INO80: variants seen among roughly 807,000 people sequenced by gnomAD.
INO80 encodes INO80 complex ATPase subunit, also known as chromatin-remodeling ATPase INO80.
A neutral mutation model predicts 203.4 loss-of-function variants in INO80; 20 were observed. The observed-to-expected ratio is 0.10, with a 90% CI of 0.07 to 0.14. The LOEUF is 0.14. INO80 is among the 10% of genes least tolerant of loss of function. The pLI, the probability that INO80 is intolerant of heterozygous loss-of-function variation, is 1.00. For missense variants in INO80, 1,419 were observed against 1,914.4 expected (o/e 0.74, Z 4.83); for synonymous variants, 726 against 685.2 (o/e 1.06, Z -0.93).
chr15:41,099,108 G>A (rs574817818), intron 1 of INO80, among the ~76,000 whole-genome samples: 5 of 151,346 alleles, frequency 3.3e-5, no homozygotes, highest in African/African-American at 9.7e-5. Context: ...AGCCAAGTAT[G>A]GTGATGCGTG....
chr15:41,074,427 G>C lies in INO80; in HGVS notation c.1270C>G (p.Gln424Glu). 6.2e-7 allele frequency: 1 copy of C among 1,613,904 alleles called. No individual in the cohort carries two copies. The highest frequency in any genetic ancestry group is 8.5e-7 in the Non-Finnish European group (1 of 1,179,922). ...ILRKLEDSSTQRQIDIGGGVV... is the reference protein window; with the variant it reads ...ILRKLEDSSTERQIDIGGGVV... ...CCTCCACCTATATCGATTTGTCTCT[G>C]GGTAGAACTGTCTTCCAGTTTCCTT... Residue 424 changes from glutamine to glutamate, a missense_variant, in exon 10 of 36, where the codon CAG (glutamine) becomes GAG (glutamate). Physicochemically the swap from Gln to Glu is conservative, Grantham distance 29. This residue lies in a region of INO80 where 116 missense variants were observed against 119.5 expected (regional missense o/e 0.97). Coordinates refer to ENST00000648947, the MANE Select transcript of INO80 (RefSeq NM_017553.3).
intron 28 of INO80, among the ~76,000 whole-genome samples, chr15:40,999,067 A>C (rs2043922719): frequency 6.6e-6 from 1 of 151,982 alleles, no homozygotes; most frequent in Non-Finnish European, 1.5e-5. Flanking sequence ...GAAATTAATT[A>C]AAGAAAGAAA....
intron 31 of INO80, 84 bp downstream of exon 31, chr15:40,987,007 C>T (rs538318200): frequency 4.1e-6 from 3 of 726,952 alleles, no homozygotes; most frequent in East Asian, 5.2e-5. Context: ...CAGCCTCTGG[C>T]TTTGCCTACC....
rs542275070 is a variant in INO80 at position 40,978,903 on chromosome 15, AT to A, written c.*1319del. The A allele has an allele frequency of 5.2e-5, 8 of 152,666 alleles. No homozygotes were observed. In the South Asian group the frequency reaches 1.7e-3, roughly 32 times the overall value. The allele number at this position is 152,666 out of a possible 1,614,324, so 9.5% of individuals were successfully genotyped here. ...AATTTACATAAAATTATCTCACTCC[AT>A]TTTATTTAAGATTTTTTTATCCAGT... is the stretch of plus-strand genomic sequence containing the variant. On this transcript the variant is annotated 3_prime_UTR_variant, in exon 36 of 36. Transcript: ENST00000648947.
At chr15:41,039,509 C>T (rs1006309483) in intron 24 of INO80, among the ~76,000 whole-genome samples, 7 of 152,172 alleles carry the variant, frequency 4.6e-5, no homozygotes, top group Non-Finnish European at 1.0e-4. Context: ...CACACTTTGC[C>T]TACTGTGGTA....
intron 24 of INO80, among the ~76,000 whole-genome samples, chr15:41,042,733 A>G (rs562589236): frequency 2.0e-5 from 3 of 151,990 alleles, no homozygotes; most frequent in East Asian, 3.9e-4. Context: ...CTCGGACTCA[A>G]AAAGTGCTGG....
intron 9 of INO80, among the ~76,000 whole-genome samples, chr15:41,077,033 G>A (rs2045413895): frequency 6.6e-6 from 1 of 151,788 alleles, no homozygotes; most frequent in Admixed American, 6.6e-5. Context: ...TCAGCCTCCC[G>A]AGTAGCTAGG....
At chr15:41,028,580 T>C (rs1273148822) in intron 24 of INO80, among the ~76,000 whole-genome samples, 1 of 152,230 alleles carries the variant, frequency 6.6e-6, no homozygotes, top group Non-Finnish European at 1.5e-5. Flanking sequence ...TATTTATTGT[T>C]CACTTATGTT....
chr15:41,056,135 C>T (rs562594835), intron 17 of INO80, among the ~76,000 whole-genome samples: 3 of 151,540 alleles, frequency 2.0e-5, no homozygotes, highest in Admixed American at 1.3e-4. Context: ...TTGTAGCGTC[C>T]GGGTTTCACC....
intron 1 of INO80, among the ~76,000 whole-genome samples, chr15:41,097,623 C>T (rs1300561989): frequency 1.3e-5 from 2 of 151,518 alleles, no homozygotes; most frequent in South Asian, 4.2e-4. Flanking sequence ...CAGGCGTCCA[C>T]CACCACACCT....
rs1198594013 is a variant in INO80, at chr15:40,978,951, CTCTT to C, written c.*1268_*1271del. 10 of 152,704 alleles carry C rather than the reference CTCTT, an allele frequency of 6.5e-5. No homozygotes were observed. Among genetic ancestry groups the C allele is most frequent in the Middle Eastern group, 3.4e-3 (1 of 294 alleles). 9.5% of individuals were successfully genotyped at this position (152,704 alleles called of 1,614,324 possible). On this transcript the variant is annotated 3_prime_UTR_variant, in exon 36 of 36. Coordinates refer to ENST00000648947, the MANE Select transcript of INO80 (RefSeq NM_017553.3). ...CAGTTAGTAAAAGGAAGATGTGTCT[CTCTT>C]TATACATATGTACAAGTTCAGTTAT...
At chr15:41,067,228 C>G (rs2045237177) in intron 14 of INO80, among the ~76,000 whole-genome samples, 1 of 152,090 alleles carries the variant, frequency 6.6e-6, no homozygotes, top group Non-Finnish European at 1.5e-5. Flanking sequence ...AGGCGCCCGC[C>G]ATAACACCTG....
At position 41,079,836 on chromosome 15, in the gene INO80, G is replaced by A. The variant is rs774825273; in HGVS notation, c.996C>T (p.Thr332=). The part of the protein sequence containing the change: ...ALQAQKNCKE[T]LPRARRLTKE... ...TGGTGAGGCGGCGGGCACGAGGCAAGGTTTCCTTACAGTTCTTCTGGGCCT... is the reference window on the plus strand; with the variant it reads ...TGGTGAGGCGGCGGGCACGAGGCAAAGTTTCCTTACAGTTCTTCTGGGCCT... The change falls in exon 9 of 36, where the codon ACC becomes ACT. Residue 332 remains threonine, a synonymous_variant. Coordinates refer to ENST00000648947, the MANE Select transcript of INO80 (RefSeq NM_017553.3). The A allele has an allele frequency of 5.0e-6, 8 of 1,614,130 alleles. No homozygotes were observed. Among genetic ancestry groups the A allele is most frequent in the East Asian group, 4.5e-5 (2 of 44,878 alleles).
intron 7 of INO80, among the ~76,000 whole-genome samples, chr15:41,084,716 TTTTTA>T (rs1028150541): frequency 3.0e-4 from 45 of 152,332 alleles, no homozygotes; most frequent in Middle Eastern, 3.4e-3. Context: ...TATCAACTCC[TTTTTA>T]TTTTATTTAA....
chr15:41,038,960 T>C (rs2044625364), intron 24 of INO80, among the ~76,000 whole-genome samples: 1 of 152,228 alleles, frequency 6.6e-6, no homozygotes. Flanking sequence ...TAAGCATCTG[T>C]TGAAGAAAGT....
intron 1 of INO80, among the ~76,000 whole-genome samples, chr15:41,106,558 C>A (rs1444809049): frequency 2.0e-5 from 3 of 150,416 alleles, no homozygotes; most frequent in Non-Finnish European, 4.4e-5. Flanking sequence ...TAGCTTGAGT[C>A]TGGAAGGTCA....
chr15:41,103,946 T>C (rs1025285441), intron 1 of INO80, among the ~76,000 whole-genome samples: 4 of 151,922 alleles, frequency 2.6e-5, no homozygotes, highest in Admixed American at 2.6e-4. Context: ...CCAGGCGCAG[T>C]GGCTCACGCC....
chr15:41,006,045 C>CT (rs1305003855), intron 27 of INO80, among the ~76,000 whole-genome samples: 4 of 150,788 alleles, frequency 2.7e-5, no homozygotes, highest in Non-Finnish European at 3.0e-5. Flanking sequence ...AAAATACCTA[C>CT]TTTTTTTGTC....
chr15:41,023,803 G>GA (rs2044334462), intron 25 of INO80, among the ~76,000 whole-genome samples: 2 of 106,404 alleles, frequency 1.9e-5, no homozygotes, highest in African/African-American at 7.5e-5. Flanking sequence ...ACGAAAAAAA[G>GA]AAACAAAAAA....
Sources: gnomAD v4.1 joint callset for allele counts (sites outside exome capture counted in the v4.1 genomes callset) on GRCh38, gnomAD v4.1.1 for gene constraint, gnomAD v4.1.1 regional missense constraint, MANE v1.5 for transcripts, NCBI Gene and HGNC (gene_info 2026-07-23, HGNC 2026-07-21) for gene names.